Variants in CSMD1 observed in about 807,000 individuals in gnomAD.
CSMD1 encodes CUB and Sushi multiple domains 1.
CSMD1 carries 213 observed loss-of-function variants against 417.5 expected under a neutral mutation model. The observed-to-expected ratio is 0.51, with a 90% CI of 0.46 to 0.57. The LOEUF is 0.57. Among genes scored for constraint, CSMD1 ranks in the 20% least tolerant of loss-of-function variants. CSMD1 has a pLI of 0.00. For synonymous variants in CSMD1, 2,862 were observed against 1,736.8 expected (o/e 1.65, Z -16.11); for missense variants, 6,923 against 4,529.7 (o/e 1.53, Z -15.17).
intron 3 of CSMD1, among the ~76,000 whole-genome samples, chr8:4,251,545 A>G (rs1803073629): frequency 6.6e-6 from 1 of 152,298 alleles, no homozygotes; most frequent in Non-Finnish European, 1.5e-5. Flanking sequence ...TCTCTAAGCA[A>G]TTTAATCAGG....
chr8:3,458,264 T>C (rs971166107), intron 12 of CSMD1, among the ~76,000 whole-genome samples: 17 of 152,202 alleles, frequency 1.1e-4, no homozygotes, highest in East Asian at 7.7e-4. Context: ...TAGAATTTAA[T>C]GTTCTCCGGC....
intron 10 of CSMD1, among the ~76,000 whole-genome samples, chr8:3,573,465 C>G (rs914825802): frequency 6.6e-6 from 1 of 152,202 alleles, no homozygotes; most frequent in Non-Finnish European, 1.5e-5. Context: ...GCTTTTGTCA[C>G]AGCAAAGAGA....
intron 5 of CSMD1, among the ~76,000 whole-genome samples, chr8:3,838,340 A>AG (rs1052354106): frequency 6.6e-6 from 1 of 151,910 alleles, no homozygotes; most frequent in Non-Finnish European, 1.5e-5. Flanking sequence ...GTTCCAGACC[A>AG]GCCTGGGTGA....
intron 7 of CSMD1, among the ~76,000 whole-genome samples, chr8:3,627,344 G>C (rs1796543188): frequency 6.6e-6 from 1 of 152,108 alleles, no homozygotes; most frequent in African/African-American, 2.4e-5. Context: ...CGTGCGTTAA[G>C]ACTTCAATTT....
At chr8:3,797,996 T>A (rs1800254736) in intron 5 of CSMD1, among the ~76,000 whole-genome samples, 1 of 152,148 alleles carries the variant, frequency 6.6e-6, no homozygotes, top group Middle Eastern at 3.4e-3. Flanking sequence ...TGCATTTCCT[T>A]GAAGATTATT....
At chr8:4,150,245 C>T (rs763507904) in intron 3 of CSMD1, among the ~76,000 whole-genome samples, 1 of 152,174 alleles carries the variant, frequency 6.6e-6, no homozygotes, top group Admixed American at 6.5e-5. Flanking sequence ...CATCATGCAC[C>T]TCCCTCCAGC....
intron 1 of CSMD1, among the ~76,000 whole-genome samples, chr8:4,866,879 G>A (rs1390016361): frequency 2.0e-5 from 3 of 151,658 alleles, no homozygotes; most frequent in South Asian, 2.1e-4. Context: ...TTTACATTTT[G>A]TGACCTCCTT....
intron 3 of CSMD1, among the ~76,000 whole-genome samples, chr8:4,136,680 CTG>C (rs774293467): frequency 6.6e-6 from 1 of 152,174 alleles, no homozygotes; most frequent in Non-Finnish European, 1.5e-5. Context: ...CACAAGTGTG[CTG>C]TGAGTCTTCA....
chr8:4,395,505 C>T (rs1585009107), intron 3 of CSMD1, among the ~76,000 whole-genome samples: 1 of 151,624 alleles, frequency 6.6e-6, no homozygotes, highest in South Asian at 2.1e-4. Flanking sequence ...ACCCCTCACT[C>T]CCTACACCAG....
chr8:4,635,924 A>G lies in CSMD1; in HGVS notation c.302+1418T>C, dbSNP rs565736465. 2.0e-5 allele frequency among the ~76,000 whole-genome samples: 3 copies of G among 150,888 alleles called. No homozygotes were observed. In the East Asian group the frequency reaches 5.8e-4, roughly 29 times the overall value. On this transcript the variant is annotated intron_variant, in intron 2 of 69. Coordinates refer to ENST00000635120, the MANE Select transcript of CSMD1 (RefSeq NM_033225.6). ...AAGGTAAACATGCTACTAAAAACAG[A>G]TAATAGATATTGTAGATGACTCAGA...
At chr8:4,417,804 G>A (rs1163455889) in intron 3 of CSMD1, among the ~76,000 whole-genome samples, 2 of 151,816 alleles carry the variant, frequency 1.3e-5, no homozygotes, top group African/African-American at 2.4e-5. Context: ...ATATATACAT[G>A]TACAAATTGG....
chr8:4,631,000 A>G (rs1003335513), intron 2 of CSMD1, among the ~76,000 whole-genome samples: 59 of 152,180 alleles, frequency 3.9e-4, no homozygotes, highest in Non-Finnish European at 8.1e-4. Context: ...TGTCCCTATA[A>G]AAGCTTTGAC....
chr8:3,823,352 T>G (rs1801852159), intron 5 of CSMD1, among the ~76,000 whole-genome samples: 1 of 152,170 alleles, frequency 6.6e-6, no homozygotes, highest in Non-Finnish European at 1.5e-5. Context: ...CTCTCATTTT[T>G]AATCCCGGTT....
At position 4,923,186 on chromosome 8, in the gene CSMD1, T is replaced by G. The variant is rs75337725; in HGVS notation, c.85+71146A>C. On this transcript the variant is annotated intron_variant, in intron 1 of 69. Transcript: ENST00000635120. ...ATTTTTCAGTTTTAGATGACCACTGTCATTTTCTTTCAATAGTTACATAAT... is the reference window on the plus strand; with the variant it reads ...ATTTTTCAGTTTTAGATGACCACTGGCATTTTCTTTCAATAGTTACATAAT... 2.0e-3 allele frequency among the ~76,000 whole-genome samples: 309 copies of G among 152,306 alleles called. 13 individuals are homozygous for G. The East Asian group carries it at 0.034, about 17-fold the overall frequency.
intron 5 of CSMD1, among the ~76,000 whole-genome samples, chr8:3,926,053 TACACACACACAC>T (rs35557551): frequency 3.4e-5 from 3 of 87,820 alleles, no homozygotes; most frequent in East Asian, 6.1e-4. Context: ...AAACACCATA[TACACACACACAC>T]ACACACACAA....
intron 1 of CSMD1, among the ~76,000 whole-genome samples, chr8:4,820,540 G>C (rs547718705): frequency 6.6e-6 from 1 of 152,132 alleles, no homozygotes; most frequent in African/African-American, 2.4e-5. Flanking sequence ...AGAATAATAA[G>C]GGAATGATCC....
chr8:4,437,327 GT>G lies in CSMD1; in HGVS notation c.303-17263del, dbSNP rs533171857. Among the ~76,000 whole-genome samples the G allele has an allele frequency of 1.8e-3, 280 of 152,182 alleles. 2 individuals are homozygous for G. The highest frequency in any genetic ancestry group is 6.2e-3 in the African/African-American group (259 of 41,540). ...AGTTTGAGAGAAAAAAAATAAGCTT[GT>G]TTTAAAAAGAAAATACATTTTAAGG... On this transcript the variant is annotated intron_variant, in intron 2 of 69. Coordinates refer to ENST00000635120, the MANE Select transcript of CSMD1 (RefSeq NM_033225.6).
intron 5 of CSMD1, among the ~76,000 whole-genome samples, chr8:3,822,199 T>C (rs1438558515): frequency 6.6e-6 from 1 of 152,158 alleles, no homozygotes; most frequent in Non-Finnish European, 1.5e-5. Context: ...AGTCACTTCA[T>C]TCCTTGACTA....
chr8:3,955,666 G>A, intron 5 of CSMD1, among the ~76,000 whole-genome samples: 1 of 152,098 alleles, frequency 6.6e-6, no homozygotes, highest in East Asian at 1.9e-4. Context: ...GATTCTAAAA[G>A]AGTGTCTCAG....
Sources: gnomAD v4.1 joint callset for allele counts (sites outside exome capture counted in the v4.1 genomes callset) on GRCh38, gnomAD v4.1.1 for gene constraint, MANE v1.5 for transcripts, NCBI Gene and HGNC (gene_info 2026-07-23, HGNC 2026-07-21) for gene names.